AFF3: variants seen among roughly 807,000 people sequenced by gnomAD.
AFF3 encodes AF4/FMR2 family member 3.
In AFF3, 32 loss-of-function variants were observed where a neutral mutation model predicts 129.7. That is an observed-to-expected ratio of 0.25 (90% CI 0.19 to 0.33). The LOEUF (loss-of-function observed/expected upper bound fraction) is 0.33. AFF3 is among the 10% of genes least tolerant of loss of function. The pLI, the probability that AFF3 is intolerant of heterozygous loss-of-function variation, is 1.00. For synonymous variants in AFF3, 644 were observed against 635.4 expected (o/e 1.01, Z -0.20); for missense variants, 1,373 against 1,592.0 (o/e 0.86, Z 2.34).
At chr2:99,693,856 G>A (rs1227989501) in intron 11 of AFF3, among the ~76,000 whole-genome samples, 1 of 151,836 alleles carries the variant, frequency 6.6e-6, no homozygotes, top group African/African-American at 2.4e-5. Flanking sequence ...TATTTCCAAT[G>A]TTAAGTTATC....
intron 10 of AFF3, among the ~76,000 whole-genome samples, chr2:99,740,409 A>C (rs1172758778): frequency 7.9e-5 from 12 of 150,984 alleles, no homozygotes; most frequent in African/African-American, 2.7e-4. Context: ...CAATGGTTGA[A>C]CTAGTTTACA....
At chr2:99,940,323 A>G (rs1408375266) in intron 7 of AFF3, among the ~76,000 whole-genome samples, 1 of 152,240 alleles carries the variant, frequency 6.6e-6, no homozygotes, top group Non-Finnish European at 1.5e-5. Flanking sequence ...TTTGAATCAG[A>G]GCAACTCCAT....
At chr2:99,922,165 A>G (rs1324907766) in intron 7 of AFF3, among the ~76,000 whole-genome samples, 1 of 152,204 alleles carries the variant, frequency 6.6e-6, no homozygotes, top group Non-Finnish European at 1.5e-5. Context: ...ACTCTTTGGG[A>G]GTTTCTTTAA....
Position 100,094,603 on chromosome 2 carries a change from T to C in AFF3, c.53+9799A>G, listed in dbSNP as rs551257188. Among the ~76,000 whole-genome samples the C allele has an allele frequency of 1.6e-3, 234 of 150,554 alleles. 3 individuals are homozygous for C. Among genetic ancestry groups the C allele is most frequent in the African/African-American group, 5.2e-3 (210 of 40,618 alleles). On this transcript the variant is annotated intron_variant, in intron 4 of 24. Coordinates refer to ENST00000672756, the MANE Select transcript of AFF3 (RefSeq NM_001386135.1). ...GGTCCTAACAGGCCCCGGACCAATATTGATCCACAGCCCGGGGGCTGGGGA... is the reference window on the plus strand; with the variant it reads ...GGTCCTAACAGGCCCCGGACCAATACTGATCCACAGCCCGGGGGCTGGGGA...
At chr2:99,981,765 G>A (rs185680909) in intron 7 of AFF3, among the ~76,000 whole-genome samples, 244 of 152,246 alleles carry the variant, frequency 1.6e-3, no homozygotes, top group African/African-American at 5.6e-3. Flanking sequence ...TGTCTGCAAT[G>A]TTTTCCCAAT....
chr2:99,823,062 G>C (rs1687809199), intron 8 of AFF3, among the ~76,000 whole-genome samples: 1 of 151,920 alleles, frequency 6.6e-6, no homozygotes, highest in Non-Finnish European at 1.5e-5. Context: ...TTTCCCTCTG[G>C]TTATCTGTAA....
At chr2:99,816,872 T>G (rs752049407) in intron 8 of AFF3, among the ~76,000 whole-genome samples, 3 of 152,158 alleles carry the variant, frequency 2.0e-5, no homozygotes, top group Admixed American at 6.5e-5. Context: ...TCTCCTCCTC[T>G]GGGTACAGTG....
intron 12 of AFF3, among the ~76,000 whole-genome samples, chr2:99,660,585 A>C (rs1468100926): frequency 6.6e-6 from 1 of 152,266 alleles, no homozygotes; most frequent in East Asian, 1.9e-4. Context: ...AATGTATAAT[A>C]ATCACACAGT....
intron 7 of AFF3, among the ~76,000 whole-genome samples, chr2:99,993,571 A>AAT (rs1445903853): frequency 1.3e-5 from 2 of 151,864 alleles, no homozygotes; most frequent in Non-Finnish European, 2.9e-5. Flanking sequence ...AGATAAAAAT[A>AAT]ATATACAAAA....
At chr2:99,901,675 G>A (rs1037884563) in intron 7 of AFF3, among the ~76,000 whole-genome samples, 5 of 152,116 alleles carry the variant, frequency 3.3e-5, no homozygotes, top group South Asian at 2.1e-4. Context: ...ACTCCTCTCC[G>A]TTGCTGCAGT....
chr2:99,623,624 G>C (rs1356029866), intron 13 of AFF3, among the ~76,000 whole-genome samples: 1 of 152,178 alleles, frequency 6.6e-6, no homozygotes, highest in Non-Finnish European at 1.5e-5. Flanking sequence ...TGCAACCTTT[G>C]AACTGGGACA....
At chr2:99,840,811 C>T (rs560866391) in intron 7 of AFF3, among the ~76,000 whole-genome samples, 31 of 152,218 alleles carry the variant, frequency 2.0e-4, no homozygotes, top group Non-Finnish European at 3.4e-4. Context: ...AAGTCTCAGT[C>T]GGGCCGGGGG....
intron 7 of AFF3, among the ~76,000 whole-genome samples, chr2:99,985,087 G>T (rs1679749170): frequency 6.6e-6 from 1 of 152,152 alleles, no homozygotes; most frequent in South Asian, 2.1e-4. Context: ...GGTTATGTCT[G>T]CAGCAAAACA....
At chr2:100,033,918 T>C (rs1461151771) in intron 4 of AFF3, among the ~76,000 whole-genome samples, 1 of 152,232 alleles carries the variant, frequency 6.6e-6, no homozygotes, top group African/African-American at 2.4e-5. Flanking sequence ...TCTTCAACAT[T>C]TATCCACTGC....
chr2:99,793,048 C>T (rs372115342), intron 8 of AFF3, among the ~76,000 whole-genome samples: 4 of 152,114 alleles, frequency 2.6e-5, no homozygotes, highest in Non-Finnish European at 4.4e-5. Context: ...TGTTGAAATG[C>T]GATGACCCCT....
At chr2:99,788,976 C>G (rs1469515262) in intron 8 of AFF3, among the ~76,000 whole-genome samples, 3 of 152,102 alleles carry the variant, frequency 2.0e-5, no homozygotes, top group Non-Finnish European at 4.4e-5. Context: ...CAGACCATAC[C>G]ATATAGCTTG....
chr2:99,721,590 T>C (rs1377496605), intron 11 of AFF3, among the ~76,000 whole-genome samples: 1 of 152,176 alleles, frequency 6.6e-6, no homozygotes, highest in Non-Finnish European at 1.5e-5. Flanking sequence ...CTCTTTTGTC[T>C]TTCAGCACCT....
chr2:99,616,579 C>A (rs1031707615), intron 13 of AFF3, among the ~76,000 whole-genome samples: 1 of 152,016 alleles, frequency 6.6e-6, no homozygotes, highest in Admixed American at 6.6e-5. Context: ...TATGGTGAAA[C>A]CCTGTCTCTA....
At chr2:99,956,428 C>A (rs1379165746) in intron 7 of AFF3, among the ~76,000 whole-genome samples, 1 of 152,020 alleles carries the variant, frequency 6.6e-6, no homozygotes, top group Non-Finnish European at 1.5e-5. Flanking sequence ...ATATCAAAAG[C>A]CACTGAAGTT....
Sources: allele counts gnomAD v4.1 joint callset (sites outside exome capture counted in the v4.1 genomes callset), GRCh38; gene constraint gnomAD v4.1.1; transcripts MANE v1.5; gene names NCBI Gene and HGNC (gene_info 2026-07-23, HGNC 2026-07-21).